MOGS: variants seen among roughly 807,000 people sequenced by gnomAD.
MOGS encodes mannosyl-oligosaccharide glucosidase, also known as epididymis secretory sperm binding protein.
A neutral mutation model predicts 68.5 loss-of-function variants in MOGS; 45 were observed. The observed-to-expected ratio is 0.66, with a 90% CI of 0.52 to 0.84. MOGS has a LOEUF of 0.84. Among genes scored for constraint, MOGS ranks in the 40% least tolerant of loss-of-function variants. The pLI, the probability that MOGS is intolerant of heterozygous loss-of-function variation, is 0.00. For missense variants in MOGS, 1,020 were observed against 1,095.0 expected (o/e 0.93, Z 0.97); for synonymous variants, 492 against 461.2 (o/e 1.07, Z -0.86).
At position 74,465,259 on chromosome 2, in the gene MOGS, G is replaced by A. The variant is rs772714205; in HGVS notation, c.-12C>T. ...TCGCCCCGAGCCATCCTGGCACTGAGGTCCGCGTCACAAGAGCTCGGAGAG... is the reference window on the plus strand; with the variant it reads ...TCGCCCCGAGCCATCCTGGCACTGAAGTCCGCGTCACAAGAGCTCGGAGAG... On this transcript the variant is annotated 5_prime_UTR_variant, in exon 1 of 4. Coordinates refer to ENST00000448666, the MANE Select transcript of MOGS (RefSeq NM_006302.3). 6 of 1,427,518 alleles carry A rather than the reference G, an allele frequency of 4.2e-6. No individual in the cohort carries two copies. The East Asian group carries it at 1.3e-4, about 32-fold the overall frequency. The allele number at this position is 1,427,518 out of a possible 1,614,324, so 88.4% of individuals were successfully genotyped here. A position where few individuals can be genotyped will look rare whatever the true frequency, so the allele number is the denominator to read the frequency against.
rs1371981055 is a variant in MOGS at position 74,462,179 on chromosome 2, G to A, written c.1610C>T (p.Ala537Val). ...DPDDLAFLRKALPRLHAWFSW... is the reference protein window; with the variant it reads ...DPDDLAFLRKVLPRLHAWFSW... ...AAACCAGGCATGCAGGCGGGGCAAGGCCTTTCGGAGGAAAGCCAAGTCGTC... is the reference window on the plus strand; with the variant it reads ...AAACCAGGCATGCAGGCGGGGCAAGACCTTTCGGAGGAAAGCCAAGTCGTC... Residue 537 changes from alanine (A) to valine (V), a missense_variant, in exon 4 of 4, where the codon GCC (alanine) becomes GTC (valine). Ala to Val is a moderately conservative substitution (Grantham distance 64). Around this residue, in one of 3 missense-constraint regions of MOGS, gnomAD observed 181 missense variants for 261.8 expected, o/e 0.69. Coordinates refer to ENST00000448666, the MANE Select transcript of MOGS (RefSeq NM_006302.3). 6.2e-7 allele frequency: 1 copy of A among 1,614,062 alleles called. No homozygotes were observed.
At chr2:74,463,107 G>A (rs983157334) in intron 3 of MOGS, 83 bp downstream of exon 3, 4 of 1,608,858 alleles carry the variant, frequency 2.5e-6, no homozygotes, top group Admixed American at 3.3e-5. Context: ...CAGGTTGGGA[G>A]GTCTCAGGCA....
chr2:74,464,343 C>T (rs940255954), intron 2 of MOGS, 153 bp downstream of exon 2: 3 of 662,566 alleles, frequency 4.5e-6, no homozygotes, highest in Admixed American at 2.5e-5. Context: ...GAAATCAAGG[C>T]TTAGAGATGG....
At chr2:74,463,540 AC>A in intron 2 of MOGS, 154 bp from the exon 3 acceptor site, 1 of 757,884 alleles carries the variant, frequency 1.3e-6, no homozygotes, top group Non-Finnish European at 2.2e-6. Flanking sequence ...ACTGAGGGTA[AC>A]CAGGTACACC....
In MOGS at chr2:74,462,364, C is replaced by G. The variant is rs757426285; in HGVS notation, c.1425G>C (p.Leu475=). 1 of 1,614,130 alleles carries G rather than the reference C, an allele frequency of 6.2e-7. No individual in the cohort carries two copies. The highest frequency in any genetic ancestry group is 1.7e-5 in the Admixed American group (1 of 60,022). ...SLTREALGHW[L]GLLNADGWIG... ...TCCAGCCATCAGCATTTAGCAGCCC[C>G]AGCCAGTGGCCAAGGGCTTCCCGGG... The change falls in exon 4 of 4, where the codon CTG becomes CTC. Residue 475 remains leucine (L), a synonymous_variant. Transcript: ENST00000448666.
chr2:74,465,360 G>A lies in MOGS; in HGVS notation c.-113C>T, dbSNP rs1247642460. 1.9e-5 allele frequency: 10 copies of A among 516,270 alleles called. No homozygotes were observed. Among genetic ancestry groups the A allele is most frequent in the East Asian group, 1.1e-4 (3 of 28,342 alleles). The allele number at this position is 516,270 out of a possible 1,614,324, so 32.0% of individuals were successfully genotyped here. ...CCCTGGCGACCACCGTCCGGTTAGC[G>A]ACACCTGCCAGCCAGCGCCTGCGCC... On this transcript the variant is annotated 5_prime_UTR_variant, in exon 1 of 4. Coordinates refer to ENST00000448666, the MANE Select transcript of MOGS (RefSeq NM_006302.3).
chr2:74,461,332 G>A lies in MOGS; in HGVS notation c.2457C>T (p.Cys819=). Residue 819 remains cysteine (C), a synonymous_variant, in exon 4 of 4, where the codon TGC becomes TGT. Transcript: ENST00000448666. ...GGCTGGTCCAGCCGTGGAAAGGGCGGCAGCCCATGCCTCGCCCATCGCGGT... is the reference window on the plus strand; with the variant it reads ...GGCTGGTCCAGCCGTGGAAAGGGCGACAGCCCATGCCTCGCCCATCGCGGT... ...YSDRDGRGMG[C]RPFHGWTSLV... 6.2e-7 allele frequency: 1 copy of A among 1,614,086 alleles called. No individual in the cohort carries two copies. The highest frequency in any genetic ancestry group is 8.5e-7 in the Non-Finnish European group (1 of 1,180,044).
chr2:74,462,702 T>TC lies in MOGS; in HGVS notation c.1086dup (p.Ser363GlufsTer4), dbSNP rs1671959687. On this transcript the variant is annotated frameshift_variant, in exon 4 of 4. Coordinates refer to ENST00000448666, the MANE Select transcript of MOGS (RefSeq NM_006302.3). LOFTEE classifies it high-confidence loss of function. ...CGCTCTCTAAAGCCTTCAGCATGGCTCTCCAGGGCCTGGGTCAGTAGACTG... is the reference window on the plus strand; with the variant it reads ...CGCTCTCTAAAGCCTTCAGCATGGCTCCTCCAGGGCCTGGGTCAGTAGACTG... 1.2e-6 allele frequency: 2 copies of TC among 1,614,108 alleles called. No homozygotes were observed. Among genetic ancestry groups the TC allele is most frequent in the Non-Finnish European group, 1.7e-6 (2 of 1,180,052 alleles).
chr2:74,462,914 G>A lies in MOGS; in HGVS notation c.875C>T (p.Ala292Val), dbSNP rs762463041. 1.2e-6 allele frequency: 2 copies of A among 1,614,134 alleles called. No homozygotes were observed. Among genetic ancestry groups the A allele is most frequent in the Middle Eastern group, 1.6e-4 (1 of 6,062 alleles). Residue 292 changes from alanine (A) to valine (V), a missense_variant, in exon 4 of 4, where the codon GCC becomes GTC. Transcript: ENST00000448666. ...NSWFQHRPPG[A>V]PPERYLGLPG... The stretch of plus-strand genomic sequence containing the variant: ...CAAGCCGAGGTAGCGTTCAGGGGGG[G>A]CCCCTGGGGGCCGATGCTGAAACCA...
chr2:74,462,770 C>G lies in MOGS; in HGVS notation c.1019G>C (p.Ser340Thr). The change falls in exon 4 of 4, where the codon AGT becomes ACT. Residue 340 changes from serine (S) to threonine (T), a missense_variant. Physicochemically the swap from Ser to Thr is moderately conservative, Grantham distance 58. Coordinates refer to ENST00000448666, the MANE Select transcript of MOGS (RefSeq NM_006302.3). ...GGCTTGATTTCCTCCTGCCTGGGCA[C>G]TGCCTGATTCAAACACAAACTCTAT... ...ISIEFVFESG[S>T]AQAGGNQALP... 2.5e-6 allele frequency: 4 copies of G among 1,614,262 alleles called. No homozygotes were observed. Among genetic ancestry groups the G allele is most frequent in the Non-Finnish European group, 3.4e-6 (4 of 1,180,044 alleles).
Position 74,464,695 on chromosome 2 carries a change from G to A in MOGS, c.380C>T (p.Thr127Ile). The A allele has an allele frequency of 6.2e-7, 1 of 1,613,404 alleles. No individual in the cohort carries two copies. Residue 127 changes from threonine to isoleucine, a missense_variant, in exon 2 of 4, where the codon ACC (threonine) becomes ATC (isoleucine). This residue lies in a region of MOGS where 569 missense variants were observed against 571.9 expected (regional missense o/e 0.99). Coordinates refer to ENST00000448666, the MANE Select transcript of MOGS (RefSeq NM_006302.3). ...GTGCCTGAGCTTAGGAGTCCCCGGG[G>A]TGGTGCCCTGCTGCGCCCACATCAG... ...TGLMWAQQGTTPGTPKLRHTC... is the reference protein window; with the variant it reads ...TGLMWAQQGTIPGTPKLRHTC...
rs375563032 is a variant in MOGS at position 74,463,399 on chromosome 2, C to T, written c.580-13G>A. 9.3e-6 allele frequency: 15 copies of T among 1,612,550 alleles called. No individual in the cohort carries two copies. In the African/African-American group the frequency reaches 1.2e-4, roughly 13 times the overall value. On this transcript the variant is annotated splice_polypyrimidine_tract_variant and intron_variant, in intron 2 of 3. Coordinates refer to ENST00000448666, the MANE Select transcript of MOGS (RefSeq NM_006302.3). ...AAGTACCTGAGTCCTGAGTGACCAACGAGGACAGAAAAGAACAGTGTTAGA... is the reference window on the plus strand; with the variant it reads ...AAGTACCTGAGTCCTGAGTGACCAATGAGGACAGAAAAGAACAGTGTTAGA...
rs1009359599 is a variant in MOGS at position 74,461,249 on chromosome 2, T to C, written c.*26A>G. On this transcript the variant is annotated 3_prime_UTR_variant, in exon 4 of 4. Transcript: ENST00000448666. ...CTTCAGAGCCAGAGTGGCATGAGTG[T>C]CTTGGCTCCCCTCCTCTCCCTCCCT... 9 of 1,613,162 alleles carry C rather than the reference T, an allele frequency of 5.6e-6. No homozygotes were observed. In the East Asian group the frequency reaches 1.8e-4, roughly 32 times the overall value.
chr2:74,465,320 G>A lies in MOGS; in HGVS notation c.-73C>T, dbSNP rs1221158873. 2.6e-6 allele frequency: 3 copies of A among 1,140,856 alleles called. No homozygotes were observed. Among genetic ancestry groups the A allele is most frequent in the Non-Finnish European group, 3.4e-6 (3 of 880,986 alleles). 70.7% of individuals were successfully genotyped at this position (1,140,856 alleles called of 1,614,324 possible). ...AGCCCGGGTCCTGCCTCACCTCTCC[G>A]GCTCCCGCCTCTCGCCCTGGCGACC... On this transcript the variant is annotated 5_prime_UTR_variant, in exon 1 of 4. Coordinates refer to ENST00000448666, the MANE Select transcript of MOGS (RefSeq NM_006302.3).
At position 74,463,238 on chromosome 2, in the gene MOGS, G is replaced by A. The variant is rs891206307; in HGVS notation, c.728C>T (p.Thr243Ile). ...HTSELGDFRF[T>I]LLPPTSPGDT... Reference sequence around the variant, plus strand: ...CCCTGGACTGGTTGGTGGCAAAAGTGTAAAGCGGAAGTCACCAAGTTCACT... The same window carrying A: ...CCCTGGACTGGTTGGTGGCAAAAGTATAAAGCGGAAGTCACCAAGTTCACT... Residue 243 changes from threonine to isoleucine, a missense_variant, in exon 3 of 4, where the codon ACA (threonine) becomes ATA (isoleucine). By Grantham distance (89) the Thr-to-Ile change is moderately conservative (BLOSUM62 -1). Transcript: ENST00000448666. 1 of 1,614,192 alleles carries A rather than the reference G, an allele frequency of 6.2e-7. No individual in the cohort carries two copies. Among genetic ancestry groups the A allele is most frequent in the Non-Finnish European group, 8.5e-7 (1 of 1,180,038 alleles).
At position 74,461,734 on chromosome 2, in the gene MOGS, A is replaced by G. The variant is rs202094225; in HGVS notation, c.2055T>C (p.Tyr685=). 1.6e-3 allele frequency: 2,557 copies of G among 1,614,188 alleles called. 4 individuals carry two copies. Among genetic ancestry groups the G allele is most frequent in the Non-Finnish European group, 2.0e-3 (2,326 of 1,180,032 alleles). The change falls in exon 4 of 4, where the codon TAT becomes TAC. Residue 685 remains tyrosine, a synonymous_variant. Transcript: ENST00000448666. The part of the protein sequence containing the change: ...VVGRPQPQLQ[Y]VDALGYVSLF... ...GACTGACATAGCCAAGAGCATCTAC[A>G]TACTGCAGTTGAGGTTGGGGCCGAC...
Position 74,462,195 on chromosome 2 carries a change from C to T in MOGS, c.1594G>A (p.Ala532Thr). The stretch of plus-strand genomic sequence containing the variant: ...CGGGGCAAGGCCTTTCGGAGGAAAG[C>T]CAAGTCGTCAGGGTCACCAACCTCT... ...MLEVGDPDDL[A>T]FLRKALPRLH... The change falls in exon 4 of 4, where the codon GCT becomes ACT. Residue 532 changes from alanine to threonine, a missense_variant. Ala to Thr is a moderately conservative substitution (Grantham distance 58, BLOSUM62 0). This residue lies in a region of MOGS where 181 missense variants were observed against 261.8 expected (regional missense o/e 0.69). Transcript: ENST00000448666. 1 of 1,614,140 alleles carries T rather than the reference C, an allele frequency of 6.2e-7. No homozygotes were observed. Among genetic ancestry groups the T allele is most frequent in the Non-Finnish European group, 8.5e-7 (1 of 1,180,010 alleles).
chr2:74,461,840 C>T lies in MOGS; in HGVS notation c.1949G>A (p.Gly650Glu), dbSNP rs530177944. 57 of 1,614,152 alleles carry T rather than the reference C, an allele frequency of 3.5e-5. 3 individuals carry two copies. In the South Asian group the frequency reaches 5.7e-4, roughly 16 times the overall value. Reference protein sequence around the residue: ...LDELHWAPELGVFADFGNHTK... With the variant: ...LDELHWAPELEVFADFGNHTK... ...GTGGTTCCCAAAGTCTGCAAAGACT[C>T]CTAGCTCTGGGGCCCAGTGCAGCTC... is the stretch of plus-strand genomic sequence containing the variant. Residue 650 changes from glycine (G) to glutamate (E), a missense_variant, in exon 4 of 4, where the codon GGA (glycine) becomes GAA (glutamate). Gly to Glu is a moderately conservative substitution (Grantham distance 98, BLOSUM62 -2). Coordinates refer to ENST00000448666, the MANE Select transcript of MOGS (RefSeq NM_006302.3).
chr2:74,464,121 G>A (rs1399477198), intron 2 of MOGS, among the ~76,000 whole-genome samples: 1 of 151,558 alleles, frequency 6.6e-6, no homozygotes, highest in African/African-American at 2.4e-5. Flanking sequence ...CACCACGCCC[G>A]GCTAATTTTA....
Sources: allele counts gnomAD v4.1 joint callset (sites outside exome capture counted in the v4.1 genomes callset), GRCh38; gene constraint gnomAD v4.1.1; regional missense constraint gnomAD v4.1.1; transcripts MANE v1.5; gene names NCBI Gene and HGNC (gene_info 2026-07-23, HGNC 2026-07-21).